RBFOX1: variants seen among roughly 807,000 people sequenced by gnomAD.
RBFOX1 encodes RNA binding protein fox-1 homolog 1.
Under a neutral mutation model 57.7 loss-of-function variants are expected in RBFOX1, and 8 were observed. The observed-to-expected ratio is 0.14, with a 90% confidence interval of 0.08 to 0.25. The LOEUF is 0.25. Ranked by LOEUF, RBFOX1 falls within the 10% of genes least tolerant of loss-of-function variation. The pLI, the probability that RBFOX1 is intolerant of heterozygous loss-of-function variation, is 1.00. For synonymous variants in RBFOX1, 326 were observed against 222.4 expected, an observed-to-expected ratio of 1.47 and a Z score of -4.15; for missense variants, 611 against 548.5, an observed-to-expected ratio of 1.11 and a Z score of -1.14.
chr16:5,529,636 G>T (rs2044384007), intron 2 of RBFOX1, among the ~76,000 whole-genome samples: 2 of 148,624 alleles, frequency 1.3e-5, no homozygotes, highest in Non-Finnish European at 3.0e-5. Context: ...GTGCAATTTT[G>T]GCTCACTGCA....
intron 3 of RBFOX1, among the ~76,000 whole-genome samples, chr16:6,654,980 G>A (rs1369798755): frequency 2.0e-5 from 2 of 102,384 alleles, no homozygotes; most frequent in Non-Finnish European, 4.0e-5. Flanking sequence ...TTCATTGTGT[G>A]TATCATATGT....
chr16:5,785,414 C>G (rs1466558354), intron 3 of RBFOX1, among the ~76,000 whole-genome samples: 1 of 152,102 alleles, frequency 6.6e-6, no homozygotes, highest in African/African-American at 2.4e-5. Flanking sequence ...ACTTTGTTTC[C>G]AAGGCCCCAC....
At chr16:5,798,924 G>T (rs891577128) in intron 3 of RBFOX1, among the ~76,000 whole-genome samples, 1 of 152,036 alleles carries the variant, frequency 6.6e-6, no homozygotes, top group Non-Finnish European at 1.5e-5. Flanking sequence ...TTCAGCTCCA[G>T]TTCTGCCACT....
At chr16:7,419,925 C>CTT (rs367626244) in intron 4 of RBFOX1, among the ~76,000 whole-genome samples, 4,216 of 101,082 alleles carry the variant, frequency 0.042, 85 homozygotes, top group African/African-American at 0.096. Flanking sequence ...TTCTTTCTTC[C>CTT]TTTTTTTTTT....
At chr16:6,875,411 G>A (rs2061660475) in intron 3 of RBFOX1, among the ~76,000 whole-genome samples, 1 of 152,094 alleles carries the variant, frequency 6.6e-6, no homozygotes. Context: ...GGTTTTTGAG[G>A]TTTCATTTGC....
chr16:5,878,736 G>A (rs957995728), intron 4 of RBFOX1, among the ~76,000 whole-genome samples: 7 of 152,132 alleles, frequency 4.6e-5, no homozygotes, highest in African/African-American at 1.7e-4. Context: ...CCTCTGTTGA[G>A]CTATGAATAA....
rs1039898231 is a variant in RBFOX1 at position 7,209,571 on chromosome 16, C to G, written c.27+157473C>G. ...TGCAAACATTACCTCCTCAAAGAGG[C>G]CAACCCTCACCTTCTCATCAAAAAT... On this transcript the variant is annotated intron_variant, in intron 4 of 15. Coordinates refer to ENST00000550418, the MANE Select transcript of RBFOX1 (RefSeq NM_018723.4). 2.2e-4 allele frequency among the ~76,000 whole-genome samples: 33 copies of G among 152,284 alleles called. 1 individual carries two copies. The highest frequency in any genetic ancestry group is 1.4e-3 in the Admixed American group (21 of 15,306).
At chr16:6,106,472 TAA>T (rs113891633) in intron 1 of RBFOX1, among the ~76,000 whole-genome samples, 1 of 131,442 alleles carries the variant, frequency 7.6e-6, no homozygotes. Flanking sequence ...GTCTCAAAAA[TAA>T]AAAAAAAAAA....
At chr16:7,673,185 T>G (rs1251316427) in intron 13 of RBFOX1, among the ~76,000 whole-genome samples, 1 of 152,132 alleles carries the variant, frequency 6.6e-6, no homozygotes, top group Admixed American at 6.5e-5. Flanking sequence ...TTTCACTGTT[T>G]GGCCGGTAGA....
intron 4 of RBFOX1, among the ~76,000 whole-genome samples, chr16:5,964,780 T>C (rs922578119): frequency 2.4e-4 from 36 of 151,888 alleles, no homozygotes; most frequent in African/African-American, 8.5e-4. Flanking sequence ...TATACACACA[T>C]ATACACACAC....
intron 1 of RBFOX1, among the ~76,000 whole-genome samples, chr16:6,094,044 A>T (rs1295102334): frequency 6.6e-6 from 1 of 152,096 alleles, no homozygotes; most frequent in African/African-American, 2.4e-5. Flanking sequence ...TTTACTTTTA[A>T]AGTTAGTGGT....
intron 2 of RBFOX1, among the ~76,000 whole-genome samples, chr16:5,556,408 G>C (rs886871206): frequency 1.3e-5 from 2 of 152,208 alleles, no homozygotes; most frequent in Non-Finnish European, 2.9e-5. Context: ...TTGTTCTATG[G>C]CTTGAGTTCC....
chr16:6,483,083 C>T (rs959721984), intron 2 of RBFOX1: 3 of 980,054 alleles, frequency 3.1e-6, no homozygotes, highest in South Asian at 4.3e-5. Flanking sequence ...CAAGTGCCTC[C>T]GACCCGTAGG....
intron 3 of RBFOX1, among the ~76,000 whole-genome samples, chr16:6,877,872 G>A (rs1172447893): frequency 1.3e-5 from 2 of 152,146 alleles, no homozygotes; most frequent in Non-Finnish European, 2.9e-5. Context: ...AAGAGAATAG[G>A]GAAAGGATTG....
chr16:6,760,824 C>T (rs7195924), intron 3 of RBFOX1, among the ~76,000 whole-genome samples: 3 of 151,988 alleles, frequency 2.0e-5, no homozygotes, highest in African/African-American at 4.8e-5. Context: ...AGAACCAACA[C>T]CAACAGTGTG....
chr16:6,637,263 A>T (rs1174449191), intron 2 of RBFOX1, among the ~76,000 whole-genome samples: 9 of 48,232 alleles, frequency 1.9e-4, no homozygotes, highest in African/African-American at 1.0e-3. Flanking sequence ...TATAATATAC[A>T]AATATATATT....
chr16:7,145,367 G>C (rs1403704582), intron 4 of RBFOX1, among the ~76,000 whole-genome samples: 1 of 152,016 alleles, frequency 6.6e-6, no homozygotes, highest in Non-Finnish European at 1.5e-5. Flanking sequence ...ACCACATCTG[G>C]TTCATTTTTT....
At chr16:7,552,334 T>C (rs997920936) in intron 5 of RBFOX1, among the ~76,000 whole-genome samples, 10 of 152,194 alleles carry the variant, frequency 6.6e-5, no homozygotes, top group African/African-American at 2.2e-4. Context: ...ATTTCTTTTA[T>C]AGTGAGAGGC....
intron 3 of RBFOX1, among the ~76,000 whole-genome samples, chr16:6,761,030 A>G (rs1314966945): frequency 6.6e-6 from 1 of 152,214 alleles, no homozygotes; most frequent in East Asian, 1.9e-4. Context: ...CAAACAGAAC[A>G]TTAAAGTTTA....
Sources: gnomAD v4.1 joint callset for allele counts (sites outside exome capture counted in the v4.1 genomes callset) on GRCh38, gnomAD v4.1.1 for gene constraint, MANE v1.5 for transcripts, NCBI Gene and HGNC (gene_info 2026-07-23, HGNC 2026-07-21) for gene names.